ZBTB20: variants seen among roughly 807,000 people sequenced by gnomAD.
ZBTB20 encodes the protein zinc finger and BTB domain containing 20, also known as zinc finger and BTB domain-containing protein 20.
A neutral mutation model predicts 56.9 loss-of-function variants in ZBTB20; 9 were observed. That is an observed-to-expected ratio of 0.16 (90% CI 0.10 to 0.28). The LOEUF is 0.28. Ranked by LOEUF, ZBTB20 falls within the 10% of genes least tolerant of loss-of-function variation. The pLI, the probability that ZBTB20 is intolerant of heterozygous loss-of-function variation, is 1.00. For synonymous variants in ZBTB20, 417 were observed against 420.7 expected, an observed-to-expected ratio of 0.99 and a Z score of 0.11; for missense variants, 655 against 1,003.0, an observed-to-expected ratio of 0.65 and a Z score of 4.69.
At chr3:114,919,610 C>T (rs1426756049) in intron 3 of ZBTB20, among the ~76,000 whole-genome samples, 1 of 151,668 alleles carries the variant, frequency 6.6e-6, no homozygotes, top group African/African-American at 2.4e-5. Context: ...GAGGCTGAGG[C>T]AGGAGAATCA....
At chr3:115,097,577 T>A (rs1396281944) in intron 1 of ZBTB20, among the ~76,000 whole-genome samples, 1 of 152,160 alleles carries the variant, frequency 6.6e-6, no homozygotes, top group Non-Finnish European at 1.5e-5. Flanking sequence ...CTACAGGGCA[T>A]GGCAAAGCAT....
At position 114,942,722 on chromosome 3, in the gene ZBTB20, G is replaced by A. The variant is rs2107859922; in HGVS notation, c.-456+31644C>T. Among the ~76,000 whole-genome samples, 2 of 146,158 alleles carry A rather than the reference G, an allele frequency of 1.4e-5. 1 individual carries two copies. The highest frequency in any genetic ancestry group is 4.3e-4 in the South Asian group (2 of 4,682). On this transcript the variant is annotated intron_variant, in intron 3 of 11. Transcript: ENST00000675478. ...TAAAACTCAATAGTCTATAAAGGAA[G>A]TAAACACGTTAAAGTAAGCCCTATG... is the stretch of plus-strand genomic sequence containing the variant.
At chr3:115,062,075 A>C (rs1686857774) in intron 2 of ZBTB20, among the ~76,000 whole-genome samples, 2 of 152,206 alleles carry the variant, frequency 1.3e-5, no homozygotes, top group South Asian at 4.1e-4. Context: ...TTAAACGTTC[A>C]GTTCACACAC....
At chr3:114,762,180 A>G (rs973521741) in intron 5 of ZBTB20, among the ~76,000 whole-genome samples, 8 of 152,242 alleles carry the variant, frequency 5.3e-5, no homozygotes, top group Admixed American at 5.2e-4. Context: ...AGTTAATAAT[A>G]GAAAAAATTC....
At chr3:114,830,719 T>C (rs993955520) in intron 4 of ZBTB20, among the ~76,000 whole-genome samples, 1 of 151,970 alleles carries the variant, frequency 6.6e-6, no homozygotes, top group African/African-American at 2.4e-5. Context: ...AAATAAGTGA[T>C]CGTGCCAGGA....
At chr3:114,769,935 C>T (rs2702170) in intron 5 of ZBTB20, among the ~76,000 whole-genome samples, 145,898 of 151,912 alleles carry the variant, frequency 0.96, 70,363 homozygotes, top group East Asian at 1. Context: ...GGTGTGCACC[C>T]GTAATCCTAG....
At chr3:115,027,015 A>T (rs1289512015) in intron 2 of ZBTB20, among the ~76,000 whole-genome samples, 2 of 150,906 alleles carry the variant, frequency 1.3e-5, no homozygotes, top group Non-Finnish European at 1.5e-5. Context: ...AAAAAGTGTT[A>T]AAATAGTATT....
At chr3:114,508,069 G>A (rs1450729520) in intron 6 of ZBTB20, among the ~76,000 whole-genome samples, 2 of 152,072 alleles carry the variant, frequency 1.3e-5, no homozygotes, top group African/African-American at 4.8e-5. Flanking sequence ...TATTGAATAT[G>A]TATATAAACT....
intron 6 of ZBTB20, among the ~76,000 whole-genome samples, chr3:114,684,328 G>T (rs896067056): frequency 1.3e-5 from 2 of 152,106 alleles, no homozygotes; most frequent in African/African-American, 4.8e-5. Context: ...CCATAATGGG[G>T]CCTATTGAAA....
chr3:114,914,391 T>C (rs998660957), intron 3 of ZBTB20, among the ~76,000 whole-genome samples: 1 of 152,102 alleles, frequency 6.6e-6, no homozygotes, highest in Non-Finnish European at 1.5e-5. Context: ...CATTGACACA[T>C]AAAAATGTCA....
chr3:114,901,905 T>A (rs966153449), intron 3 of ZBTB20, among the ~76,000 whole-genome samples: 2 of 152,172 alleles, frequency 1.3e-5, no homozygotes, highest in African/African-American at 4.8e-5. Context: ...TTTTTCTTTT[T>A]ACTTTCATAT....
chr3:114,700,382 A>G (rs2063318938), intron 5 of ZBTB20, among the ~76,000 whole-genome samples: 1 of 152,168 alleles, frequency 6.6e-6, no homozygotes, highest in African/African-American at 2.4e-5. Flanking sequence ...CAAAACTGCA[A>G]TAAGATATTG....
intron 6 of ZBTB20, among the ~76,000 whole-genome samples, chr3:114,515,312 A>C (rs2045858803): frequency 6.6e-6 from 1 of 152,116 alleles, no homozygotes; most frequent in Non-Finnish European, 1.5e-5. Context: ...TTAACTTTAG[A>C]GATACCCACC....
intron 3 of ZBTB20, among the ~76,000 whole-genome samples, chr3:114,901,975 G>T (rs1388044999): frequency 6.6e-6 from 1 of 151,956 alleles, no homozygotes; most frequent in Non-Finnish European, 1.5e-5. Flanking sequence ...TAGTAGGTAG[G>T]GTAGGGGTAA....
intron 3 of ZBTB20, among the ~76,000 whole-genome samples, chr3:114,937,504 C>T (rs547990145): frequency 6.6e-6 from 1 of 152,060 alleles, no homozygotes; most frequent in South Asian, 2.1e-4. Flanking sequence ...TCACTGCAAC[C>T]TCCGGCTCCC....
intron 7 of ZBTB20, among the ~76,000 whole-genome samples, chr3:114,446,438 AG>A (rs2091275849): frequency 6.6e-6 from 1 of 152,152 alleles, no homozygotes; most frequent in Non-Finnish European, 1.5e-5. Flanking sequence ...GCTCTTTGTG[AG>A]AAGTTTTGCA....
chr3:114,998,568 G>GT (rs1304415851), intron 2 of ZBTB20, among the ~76,000 whole-genome samples: 1 of 151,738 alleles, frequency 6.6e-6, no homozygotes, highest in East Asian at 1.9e-4. Flanking sequence ...CTAAGGTAAA[G>GT]CATGATGATG....
At chr3:114,847,983 A>G (rs2074802373) in intron 4 of ZBTB20, among the ~76,000 whole-genome samples, 1 of 152,176 alleles carries the variant, frequency 6.6e-6, no homozygotes, top group Admixed American at 6.5e-5. Context: ...TATGCCTCCT[A>G]ATCCCCACTT....
intron 2 of ZBTB20, among the ~76,000 whole-genome samples, chr3:115,066,885 C>T (rs1435159104): frequency 6.6e-6 from 1 of 152,052 alleles, no homozygotes; most frequent in Non-Finnish European, 1.5e-5. Context: ...AGATTAAAAA[C>T]CAGTTAAAAC....
Sources: gnomAD v4.1 joint callset for allele counts (sites outside exome capture counted in the v4.1 genomes callset) on GRCh38, gnomAD v4.1.1 for gene constraint, MANE v1.5 for transcripts, NCBI Gene and HGNC (gene_info 2026-07-23, HGNC 2026-07-21) for gene names.